Variants in TOX2 observed in about 807,000 individuals in gnomAD.
TOX2 encodes granulosa cell HMG box 1.
In TOX2, 15 loss-of-function variants were observed where a neutral mutation model predicts 47.4. That is an observed-to-expected ratio of 0.32 (90% CI 0.21 to 0.49). The LOEUF (loss-of-function observed/expected upper bound fraction) is 0.49. Ranked by LOEUF, TOX2 falls within the 20% of genes least tolerant of loss-of-function variation. The pLI, the probability that TOX2 is intolerant of heterozygous loss-of-function variation, is 0.99. For missense variants in TOX2, 622 were observed against 673.1 expected (o/e 0.92, Z 0.84); for synonymous variants, 290 against 296.6 (o/e 0.98, Z 0.23).
chr20:43,947,923 A>G (rs2069499422), intron 1 of TOX2, among the ~76,000 whole-genome samples: 1 of 152,062 alleles, frequency 6.6e-6, no homozygotes, highest in Non-Finnish European at 1.5e-5. Flanking sequence ...TTGCACCCTC[A>G]CACATGCTCC....
At chr20:43,918,053 C>T (rs576179681) in intron 1 of TOX2, among the ~76,000 whole-genome samples, 6 of 53,980 alleles carry the variant, frequency 1.1e-4, no homozygotes, top group Admixed American at 2.3e-4. Context: ...AGGTTTGACT[C>T]CCAGCAGGAC....
chr20:44,047,158 C>T (rs1471581693), intron 3 of TOX2, among the ~76,000 whole-genome samples: 2 of 152,148 alleles, frequency 1.3e-5, no homozygotes, highest in African/African-American at 4.8e-5. Flanking sequence ...AGTTACAGTG[C>T]AGAGTTTCTC....
chr20:44,023,598 C>T (rs2071012527), intron 3 of TOX2, among the ~76,000 whole-genome samples: 1 of 152,202 alleles, frequency 6.6e-6, no homozygotes, highest in African/African-American at 2.4e-5. Context: ...AGCTGCACAC[C>T]TTCCCCAAAT....
chr20:44,037,990 G>A (rs921754419), intron 3 of TOX2, among the ~76,000 whole-genome samples: 4 of 152,154 alleles, frequency 2.6e-5, no homozygotes, highest in East Asian at 3.8e-4. Context: ...CCAAAATGCC[G>A]ATAATGATAT....
intron 2 of TOX2, among the ~76,000 whole-genome samples, chr20:43,979,344 G>T (rs1380697366): frequency 6.6e-6 from 1 of 152,168 alleles, no homozygotes; most frequent in Non-Finnish European, 1.5e-5. Flanking sequence ...ACATTTGAAG[G>T]CAAAGTAGAG....
At chr20:44,054,968 A>C (rs2071592239) in intron 5 of TOX2, among the ~76,000 whole-genome samples, 1 of 152,224 alleles carries the variant, frequency 6.6e-6, no homozygotes, top group Non-Finnish European at 1.5e-5. Context: ...GTGTGACCTC[A>C]GCCTGACCAC....
At chr20:43,964,096 T>A (rs1481713321) in intron 1 of TOX2, among the ~76,000 whole-genome samples, 150 of 141,420 alleles carry the variant, frequency 1.1e-3, no homozygotes, top group Middle Eastern at 3.5e-3. Context: ...TAATGTAGTT[T>A]AAAAAAAAAA....
chr20:44,047,321 C>T (rs1463922969), intron 3 of TOX2, among the ~76,000 whole-genome samples: 1 of 152,152 alleles, frequency 6.6e-6, no homozygotes, highest in Non-Finnish European at 1.5e-5. Flanking sequence ...GGTAAAATTG[C>T]TCATCTCAAC....
intron 8 of TOX2, among the ~76,000 whole-genome samples, chr20:44,067,814 T>C (rs1464237815): frequency 6.6e-6 from 1 of 152,028 alleles, no homozygotes; most frequent in Non-Finnish European, 1.5e-5. Flanking sequence ...AGGTTCCCAT[T>C]CCCTTGGCAA....
intron 2 of TOX2, among the ~76,000 whole-genome samples, chr20:43,973,817 G>A (rs1308363493): frequency 6.6e-6 from 1 of 152,308 alleles, no homozygotes; most frequent in Non-Finnish European, 1.5e-5. Flanking sequence ...ATGCACACAT[G>A]CCCTTGCGTA....
At chr20:44,035,202 C>G (rs77745668) in intron 3 of TOX2, among the ~76,000 whole-genome samples, 1 of 152,244 alleles carries the variant, frequency 6.6e-6, no homozygotes, top group African/African-American at 2.4e-5. Flanking sequence ...ATTCTGAACA[C>G]GTCCTCCCCT....
intron 5 of TOX2, 145 bp downstream of exon 5, chr20:44,054,671 T>A: frequency 2.3e-6 from 2 of 864,766 alleles, no homozygotes; most frequent in Non-Finnish European, 3.6e-6. Flanking sequence ...TGCCCATCTG[T>A]AAACTGGGAA....
At chr20:43,950,873 T>C (rs1448362696) in intron 1 of TOX2, among the ~76,000 whole-genome samples, 1 of 152,116 alleles carries the variant, frequency 6.6e-6, no homozygotes, top group African/African-American at 2.4e-5. Context: ...CCCAGAATAG[T>C]GCCTGGCACA....
intron 1 of TOX2, among the ~76,000 whole-genome samples, chr20:43,923,307 A>C (rs1024666744): frequency 1.3e-4 from 19 of 151,510 alleles, no homozygotes; most frequent in African/African-American, 4.6e-4. Flanking sequence ...ATCCTCAACG[A>C]CTGTCTCTTG....
chr20:44,035,357 G>A (rs995501595), intron 3 of TOX2, among the ~76,000 whole-genome samples: 4 of 152,278 alleles, frequency 2.6e-5, no homozygotes, highest in Admixed American at 6.5e-5. Flanking sequence ...TCAGCTCCAC[G>A]GCTTTGCACA....
chr20:43,967,424 G>A (rs2069876216), intron 1 of TOX2, among the ~76,000 whole-genome samples: 1 of 152,046 alleles, frequency 6.6e-6, no homozygotes, highest in South Asian at 2.1e-4. Flanking sequence ...GACCCACATT[G>A]CTATGCGCCT....
At chr20:44,055,833 T>C (rs2071606416) in intron 5 of TOX2, among the ~76,000 whole-genome samples, 1 of 152,064 alleles carries the variant, frequency 6.6e-6, no homozygotes, top group African/African-American at 2.4e-5. Flanking sequence ...ATGGGAAATA[T>C]GGGGAAAGTA....
intron 1 of TOX2, among the ~76,000 whole-genome samples, chr20:43,927,672 CCTTT>C (rs1277881734): frequency 4.4e-5 from 5 of 114,884 alleles, no homozygotes; most frequent in South Asian, 2.6e-4. Context: ...TTCCTTCCTT[CCTTT>C]CTTCCTTCCT....
In TOX2 at chr20:43,928,997, A is replaced by AC. The variant is rs1555829657; in HGVS notation, c.99+14007_99+14008insC. On this transcript the variant is annotated intron_variant, in intron 1 of 8. Coordinates refer to ENST00000341197, the MANE Select transcript of TOX2 (RefSeq NM_001098797.2). ...TAAAAATATGAAAAAAAAAAAAAAA[A>AC]AACAACAACAAAAAAACTGGGCATG... 1.0e-3 allele frequency among the ~76,000 whole-genome samples: 154 copies of AC among 149,672 alleles called. 3 individuals are homozygous for AC. The South Asian group carries it at 0.03, about 29-fold the overall frequency.
Sources: allele counts gnomAD v4.1 joint callset (sites outside exome capture counted in the v4.1 genomes callset), GRCh38; gene constraint gnomAD v4.1.1; transcripts MANE v1.5; gene names NCBI Gene and HGNC (gene_info 2026-07-23, HGNC 2026-07-21).